ZSWIM5: variants seen among roughly 807,000 people sequenced by gnomAD.
ZSWIM5 encodes zinc finger SWIM-type containing 5.
ZSWIM5 carries 55 observed loss-of-function variants against 119.6 expected under a neutral mutation model. The observed-to-expected ratio is 0.46, with a 90% CI of 0.37 to 0.58. ZSWIM5 has a LOEUF of 0.58. Among genes scored for constraint, ZSWIM5 ranks in the 20% least tolerant of loss-of-function variants. ZSWIM5 has a pLI of 0.00. For synonymous variants in ZSWIM5, 537 were observed against 606.9 expected, an observed-to-expected ratio of 0.88 and a Z score of 1.69; for missense variants, 1,193 against 1,512.8, an observed-to-expected ratio of 0.79 and a Z score of 3.51.
In ZSWIM5 at chr1:45,088,177, T is replaced by C. The variant is rs761992518; in HGVS notation, c.656A>G (p.Tyr219Cys). Residue 219 changes from tyrosine to cysteine, a missense_variant, in exon 2 of 14, where the codon TAT (tyrosine) becomes TGT (cysteine). Physicochemically the swap from Tyr to Cys is radical, Grantham distance 194. Coordinates refer to ENST00000359600, the MANE Select transcript of ZSWIM5 (RefSeq NM_020883.2). This position sits in a 1 kb window ranked among gnomAD's most constrained non-coding sequence, Gnocchi z 4.2. The stretch of plus-strand genomic sequence containing the variant: ...TCGATCAAAACTGATTGCAACTTTA[T>C]AAGTCACTGCTGGTTCAGAGGCAGT... ...LATASEPAVT[Y>C]KVAISFDRCK... The C allele has an allele frequency of 6.2e-7, 1 of 1,614,170 alleles. No individual in the cohort carries two copies. The highest frequency in any genetic ancestry group is 8.5e-7 in the Non-Finnish European group (1 of 1,180,002).
At chr1:45,198,285 T>A (rs528182240) in intron 1 of ZSWIM5, among the ~76,000 whole-genome samples, 4 of 152,304 alleles carry the variant, frequency 2.6e-5, no homozygotes, top group Non-Finnish European at 5.9e-5. Flanking sequence ...CACTGAAGAA[T>A]TGTGACAGGA....
At chr1:45,153,667 C>T (rs903693547) in intron 1 of ZSWIM5, among the ~76,000 whole-genome samples, 2 of 152,048 alleles carry the variant, frequency 1.3e-5, no homozygotes, top group Admixed American at 1.3e-4. Flanking sequence ...TCAATCTAGG[C>T]ACTGATCAAC....
intron 1 of ZSWIM5, among the ~76,000 whole-genome samples, chr1:45,114,581 A>T (rs935415714): frequency 1.3e-5 from 2 of 151,732 alleles, no homozygotes; most frequent in African/African-American, 4.8e-5. Flanking sequence ...AATAATATAT[A>T]GTTCTGCTTT....
intron 1 of ZSWIM5, among the ~76,000 whole-genome samples, chr1:45,147,540 G>T (rs554119752): frequency 8.4e-6 from 1 of 118,862 alleles, no homozygotes; most frequent in African/African-American, 3.3e-5. Flanking sequence ...TTCTAAGAAA[G>T]ATCTCTTAAT....
At chr1:45,187,305 G>T (rs1004671723) in intron 1 of ZSWIM5, among the ~76,000 whole-genome samples, 51 of 152,084 alleles carry the variant, frequency 3.4e-4, no homozygotes, top group Non-Finnish European at 2.1e-4. Flanking sequence ...CTCATTTATG[G>T]TTAACTGGCT....
At position 45,088,039 on chromosome 1, in the gene ZSWIM5, C is replaced by T. The variant is rs374367203; in HGVS notation, c.794G>A (p.Arg265His). The T allele has an allele frequency of 8.9e-5, 144 of 1,613,972 alleles. No individual in the cohort carries two copies. The highest frequency in any genetic ancestry group is 1.7e-4 in the Admixed American group (10 of 59,992). The stretch of plus-strand genomic sequence containing the variant: ...GAAAAGGGTTTCGGAGATAGGAAGA[C>T]GCAATTTGACTTGGTCTGGTTTACG... ...RIRKPDQVKL[R>H]LPISETLFQM... The change falls in exon 2 of 14, where the codon CGT becomes CAT. Residue 265 changes from arginine (R) to histidine (H), a missense_variant. Around this residue, in one of 2 missense-constraint regions of ZSWIM5, gnomAD observed 961 missense variants for 1,290.0 expected, o/e 0.74. Coordinates refer to ENST00000359600, the MANE Select transcript of ZSWIM5 (RefSeq NM_020883.2). The surrounding 1 kb of genome is among the most constrained non-coding windows in gnomAD (Gnocchi z 4.2).
intron 2 of ZSWIM5, among the ~76,000 whole-genome samples, chr1:45,061,711 C>T (rs373724515): frequency 2.0e-5 from 3 of 149,146 alleles, no homozygotes; most frequent in African/African-American, 7.4e-5. Flanking sequence ...TTTGATCAAG[C>T]CAATTAACAT....
intron 1 of ZSWIM5, among the ~76,000 whole-genome samples, chr1:45,196,323 G>GT (rs1242200563): frequency 1.8e-4 from 26 of 145,832 alleles, no homozygotes; most frequent in African/African-American, 6.5e-4. Flanking sequence ...CTGTTTTTTT[G>GT]GTTTTTTTTT....
At chr1:45,120,306 A>G (rs1451334254) in intron 1 of ZSWIM5, among the ~76,000 whole-genome samples, 1 of 152,232 alleles carries the variant, frequency 6.6e-6, no homozygotes, top group African/African-American at 2.4e-5. Context: ...ACCACACTCC[A>G]GCCTGGGTGA....
intron 1 of ZSWIM5, among the ~76,000 whole-genome samples, chr1:45,203,133 C>T (rs891890699): frequency 2.0e-5 from 3 of 151,944 alleles, no homozygotes; most frequent in African/African-American, 7.2e-5. Flanking sequence ...ACTTCTGATG[C>T]AGTACTTACA....
chr1:45,094,023 ATATTTATTTATTTATT>A lies in ZSWIM5; in HGVS notation c.596-5802_596-5787del, dbSNP rs66921356. On this transcript the variant is annotated intron_variant, in intron 1 of 13. Coordinates refer to ENST00000359600, the MANE Select transcript of ZSWIM5 (RefSeq NM_020883.2). ...CTATGCCTGGCTAATTTTTATTTTT[ATATTTATTTATTTATT>A]TATTTATTTATTTATTTATTTATTT... Among the ~76,000 whole-genome samples the A allele has an allele frequency of 6.4e-3, 855 of 134,412 alleles. 3 individuals carry two copies. Among genetic ancestry groups the A allele is most frequent in the South Asian group, 0.016 (64 of 4,020 alleles). 88.2% of individuals were successfully genotyped at this position (134,412 alleles called of 152,430 possible). A position where few individuals can be genotyped will look rare whatever the true frequency, so the allele number is the denominator to read the frequency against.
intron 1 of ZSWIM5, among the ~76,000 whole-genome samples, chr1:45,098,536 C>T (rs1645418176): frequency 6.6e-6 from 1 of 152,148 alleles, no homozygotes; most frequent in African/African-American, 2.4e-5. Context: ...CTCAGCTCCG[C>T]ACCAAGCAGA....
rs369184540 is a variant in ZSWIM5 at position 45,034,459 on chromosome 1, A to G, written c.2302T>C (p.Leu768=). The stretch of plus-strand genomic sequence containing the variant: ...TCGCCTGCAGAAGCTGAGTTTTCTA[A>G]AACAGGTAACCTGGAAGACCCAGGA... The part of the protein sequence containing the change: ...LALRAMRLPV[L]ENSASAGDTS... The change falls in exon 11 of 14, where the codon TTA becomes CTA. Residue 768 remains leucine, a synonymous_variant. Transcript: ENST00000359600. 8 of 1,605,706 alleles carry G rather than the reference A, an allele frequency of 5.0e-6. No homozygotes were observed. The highest frequency in any genetic ancestry group is 6.0e-6 in the Non-Finnish European group (7 of 1,175,558).
chr1:45,103,538 A>C (rs1250457267), intron 1 of ZSWIM5, among the ~76,000 whole-genome samples: 1 of 152,226 alleles, frequency 6.6e-6, no homozygotes, highest in Non-Finnish European at 1.5e-5. Flanking sequence ...TCTGAAGTTT[A>C]AATTTGTATA....
At chr1:45,180,873 C>A (rs1183958271) in intron 1 of ZSWIM5, among the ~76,000 whole-genome samples, 2 of 152,096 alleles carry the variant, frequency 1.3e-5, no homozygotes, top group African/African-American at 4.8e-5. Flanking sequence ...AGCTGAGGGT[C>A]CTGTCTGTTA....
At chr1:45,085,477 A>G (rs1266955255) in intron 2 of ZSWIM5, among the ~76,000 whole-genome samples, 2 of 151,132 alleles carry the variant, frequency 1.3e-5, no homozygotes, top group Non-Finnish European at 2.9e-5. Context: ...CCAAACTTTT[A>G]CACTCTGTTT....
intron 1 of ZSWIM5, among the ~76,000 whole-genome samples, chr1:45,112,715 T>C (rs1376520907): frequency 1.3e-5 from 2 of 152,224 alleles, no homozygotes; most frequent in South Asian, 2.1e-4. Context: ...ACTATGCCTA[T>C]GGAATTGCTA....
intron 1 of ZSWIM5, among the ~76,000 whole-genome samples, chr1:45,121,694 G>A (rs1408976118): frequency 6.6e-6 from 1 of 150,800 alleles, no homozygotes; most frequent in Non-Finnish European, 1.5e-5. Flanking sequence ...TGAATTTCTG[G>A]GCTCACTTCT....
At chr1:45,134,941 T>C (rs1307760719) in intron 1 of ZSWIM5, among the ~76,000 whole-genome samples, 1 of 152,244 alleles carries the variant, frequency 6.6e-6, no homozygotes, top group Non-Finnish European at 1.5e-5. Context: ...GCATTACACA[T>C]CATTGTATGT....
Sources: allele counts gnomAD v4.1 joint callset (sites outside exome capture counted in the v4.1 genomes callset), GRCh38; gene constraint gnomAD v4.1.1; regional missense constraint gnomAD v4.1.1; non-coding constraint Gnocchi (gnomAD v3.1); transcripts MANE v1.5; gene names NCBI Gene and HGNC (gene_info 2026-07-23, HGNC 2026-07-21).